KIF5C: variants seen among roughly 807,000 people sequenced by gnomAD.
KIF5C encodes the protein kinesin heavy chain isoform 5C.
A neutral mutation model predicts 125.2 loss-of-function variants in KIF5C; 18 were observed. The observed-to-expected ratio is 0.14, with a 90% CI of 0.10 to 0.21. The LOEUF (loss-of-function observed/expected upper bound fraction) is 0.21. KIF5C is among the 10% of genes least tolerant of loss of function. The pLI, the probability that KIF5C is intolerant of heterozygous loss-of-function variation, is 1.00. For missense variants in KIF5C, 780 were observed against 1,183.8 expected (o/e 0.66, Z 5.01); for synonymous variants, 405 against 434.0 (o/e 0.93, Z 0.83).
intron 2 of KIF5C, among the ~76,000 whole-genome samples, chr2:148,928,330 C>T (rs1682083334): frequency 6.6e-6 from 1 of 152,144 alleles, no homozygotes; most frequent in African/African-American, 2.4e-5. Context: ...GCCTCTACAG[C>T]TTGTGCAAAT....
In KIF5C at chr2:149,010,909, A is replaced by G. The variant is rs143937850; in HGVS notation, c.2767+558A>G. On this transcript the variant is annotated intron_variant, in intron 24 of 25. Coordinates refer to ENST00000435030, the MANE Select transcript of KIF5C (RefSeq NM_004522.3). Reference sequence around the variant, plus strand: ...CTGTATGGATTTGGGCATTTTGCCCATGTAGGAAATGAGGGTGTAGCCAGA... The same window carrying G: ...CTGTATGGATTTGGGCATTTTGCCCGTGTAGGAAATGAGGGTGTAGCCAGA... Among the ~76,000 whole-genome samples, 484 of 152,320 alleles carry G rather than the reference A, an allele frequency of 3.2e-3. 4 individuals are homozygous for G. Among genetic ancestry groups the G allele is most frequent in the African/African-American group, 0.011 (461 of 41,566 alleles).
chr2:149,015,906 T>G (rs1002720491), intron 25 of KIF5C, among the ~76,000 whole-genome samples: 1 of 152,062 alleles, frequency 6.6e-6, no homozygotes, highest in African/African-American at 2.4e-5. Flanking sequence ...TAGGGGAAGA[T>G]GGACAGAAAA....
chr2:148,977,680 T>C (rs1681113660), intron 12 of KIF5C, among the ~76,000 whole-genome samples: 1 of 152,170 alleles, frequency 6.6e-6, no homozygotes, highest in Non-Finnish European at 1.5e-5. Context: ...TCTCTTTAAG[T>C]AGAAAAGCAA....
intron 5 of KIF5C, 126 bp from the exon 6 acceptor site, chr2:148,941,809 C>A: frequency 6.9e-7 from 1 of 1,455,992 alleles, no homozygotes; most frequent in Non-Finnish European, 9.2e-7. Context: ...TCAGCCAAGG[C>A]TTAAACTTGC....
chr2:148,978,713 A>T (rs934094005), intron 12 of KIF5C, among the ~76,000 whole-genome samples: 1 of 152,172 alleles, frequency 6.6e-6, no homozygotes, highest in Non-Finnish European at 1.5e-5. Context: ...TATTTCCAGA[A>T]TAGTCAGCTG....
chr2:149,010,012 G>A (rs748782565), intron 23 of KIF5C, 123 bp from the exon 24 acceptor site: 81 of 1,400,804 alleles, frequency 5.8e-5, no homozygotes, highest in Non-Finnish European at 3.8e-5. Context: ...GTGGTTGTAC[G>A]GAGTGCCAAG....
intron 25 of KIF5C, among the ~76,000 whole-genome samples, chr2:149,018,714 C>G (rs1413098163): frequency 1.3e-5 from 2 of 151,998 alleles, no homozygotes; most frequent in East Asian, 3.9e-4. Context: ...CAGCTTACGC[C>G]TGTAGTCCCA....
chr2:148,996,888 C>T (rs1681689277), intron 17 of KIF5C, among the ~76,000 whole-genome samples: 2 of 152,218 alleles, frequency 1.3e-5, no homozygotes, highest in African/African-American at 4.8e-5. Context: ...AGGGCTTTAT[C>T]ATCTGTAAGG....
At chr2:148,981,125 TACAAA>T (rs1464904179) in intron 13 of KIF5C, among the ~76,000 whole-genome samples, 3 of 152,194 alleles carry the variant, frequency 2.0e-5, no homozygotes, top group South Asian at 2.1e-4. Context: ...CAACAAAACA[TACAAA>T]ACAAAACACA....
chr2:148,989,200 T>G (rs1681458940), intron 15 of KIF5C, among the ~76,000 whole-genome samples: 1 of 152,118 alleles, frequency 6.6e-6, no homozygotes, highest in Non-Finnish European at 1.5e-5. Flanking sequence ...CACTTATGAG[T>G]GAGAATATAC....
At chr2:148,995,487 G>A (rs1325828802) in intron 17 of KIF5C, among the ~76,000 whole-genome samples, 2 of 152,206 alleles carry the variant, frequency 1.3e-5, no homozygotes, top group Admixed American at 6.5e-5. Context: ...CAAGAGAAGG[G>A]TCTAGAAATG....
intron 22 of KIF5C, 46 bp from the exon 23 acceptor site, chr2:149,007,913 AGGGT>A: frequency 1.7e-6 from 2 of 1,146,736 alleles, no homozygotes; most frequent in East Asian, 3.4e-5. Context: ...CCTGGGGCGG[AGGGT>A]GGGTGGGTGA....
At chr2:148,935,774 C>G (rs1682278175) in intron 3 of KIF5C, among the ~76,000 whole-genome samples, 1 of 152,160 alleles carries the variant, frequency 6.6e-6, no homozygotes, top group Non-Finnish European at 1.5e-5. Context: ...TCACTAAGCA[C>G]TTTATATATC....
At chr2:149,006,815 G>A (rs1682023339) in intron 22 of KIF5C, among the ~76,000 whole-genome samples, 1 of 152,186 alleles carries the variant, frequency 6.6e-6, no homozygotes, top group Non-Finnish European at 1.5e-5. Flanking sequence ...TGATGGACAG[G>A]GAGGCTAGAG....
At chr2:148,932,000 T>C (rs1167839142) in intron 3 of KIF5C, among the ~76,000 whole-genome samples, 1 of 152,144 alleles carries the variant, frequency 6.6e-6, no homozygotes, top group Non-Finnish European at 1.5e-5. Flanking sequence ...ACCCCCTCAC[T>C]TAATCGAGTT....
At chr2:149,018,742 G>A (rs1364201037) in intron 25 of KIF5C, among the ~76,000 whole-genome samples, 1 of 152,086 alleles carries the variant, frequency 6.6e-6, no homozygotes, top group Non-Finnish European at 1.5e-5. Context: ...GGGAGGCTGA[G>A]GTGGGAAATT....
intron 21 of KIF5C, 22 bp from the exon 22 acceptor site, chr2:149,005,371 G>A: frequency 3.7e-6 from 6 of 1,611,258 alleles, no homozygotes; most frequent in Non-Finnish European, 4.2e-6. Context: ...GCACTTAAGT[G>A]GCCTTTAAAA....
chr2:148,880,414 C>T (rs966737792), intron 1 of KIF5C, among the ~76,000 whole-genome samples: 1 of 152,254 alleles, frequency 6.6e-6, no homozygotes, highest in African/African-American at 2.4e-5. Flanking sequence ...AGCCACCATG[C>T]TCGGCTTGTT....
At chr2:148,896,563 T>C (rs1274955872) in intron 1 of KIF5C, among the ~76,000 whole-genome samples, 1 of 152,152 alleles carries the variant, frequency 6.6e-6, no homozygotes, top group African/African-American at 2.4e-5. Flanking sequence ...CCCAGGCGAA[T>C]GTTTTGGTAA....
Sources: allele counts gnomAD v4.1 joint callset (sites outside exome capture counted in the v4.1 genomes callset), GRCh38; gene constraint gnomAD v4.1.1; transcripts MANE v1.5; gene names NCBI Gene and HGNC (gene_info 2026-07-23, HGNC 2026-07-21).